The following RTN4 variants were observed in gnomAD, a reference collection of about 807,000 sequenced individuals.
RTN4 encodes reticulon 4.
A neutral mutation model predicts 90.4 loss-of-function variants in RTN4; 32 were observed. That is an observed-to-expected ratio of 0.35 (90% CI 0.27 to 0.48). The LOEUF is 0.48. RTN4 is among the 20% of genes least tolerant of loss of function. The pLI is 0.99. For missense variants in RTN4, 1,706 were observed against 1,430.2 expected, an observed-to-expected ratio of 1.19 and a Z score of -3.11; for synonymous variants, 629 against 552.5, an observed-to-expected ratio of 1.14 and a Z score of -1.94.
upstream of RTN4, chr2:55,112,643 TC>T (rs993715802): frequency 5.9e-5 from 9 of 152,328 alleles, no homozygotes; most frequent in Non-Finnish European, 1.3e-4. Flanking sequence ...ACCCTGAAGC[TC>T]CCAGCATCCA....
At position 55,100,797 on chromosome 2, in the gene RTN4, A is replaced by G. The variant is rs115136077; in HGVS notation, c.-214+11723T>C. On this transcript the variant is annotated intron_variant, in intron 1 of 3. Transcript: ENST00000427710. ...TGGCTAGAAATTCTCAGGATGCACT[A>G]GGGTTCATTTGTGCTTAAACAAAAA... Among the ~76,000 whole-genome samples, 1,022 of 152,238 alleles carry G rather than the reference A, an allele frequency of 6.7e-3. 15 individuals are homozygous for G. The highest frequency in any genetic ancestry group is 0.023 in the African/African-American group (971 of 41,486).
chr2:55,048,546 C>T (rs540669710), intron 1 of RTN4, among the ~76,000 whole-genome samples: 1 of 151,414 alleles, frequency 6.6e-6, no homozygotes. Context: ...AACGCATTAC[C>T]CTAGGCCTAC....
Position 55,050,312 on chromosome 2 carries a change from G to T in RTN4, c.-12C>A. 3 of 1,404,434 alleles carry T rather than the reference G, an allele frequency of 2.1e-6. No individual in the cohort carries two copies. The highest frequency in any genetic ancestry group is 1.7e-5 in the South Asian group (1 of 60,228). 87.0% of individuals were successfully genotyped at this position (1,404,434 alleles called of 1,614,324 possible). Reference sequence around the variant, plus strand: ...TCCAGGTCTTCCATGGCTGGAGGGTGGAGATGATGCTGCAGCTGCTGCCGC... The same window carrying T: ...TCCAGGTCTTCCATGGCTGGAGGGTTGAGATGATGCTGCAGCTGCTGCCGC... On this transcript the variant is annotated 5_prime_UTR_variant, in exon 1 of 9. Transcript: ENST00000337526. This position sits in a 1 kb window ranked among gnomAD's most constrained non-coding sequence, Gnocchi z 4.6.
intron 1 of RTN4, among the ~76,000 whole-genome samples, chr2:55,102,782 T>C (rs1191586943): frequency 1.3e-5 from 2 of 152,160 alleles, no homozygotes; most frequent in Admixed American, 6.5e-5. Context: ...CAAAACTCTA[T>C]TGTTTTTCTA....
chr2:54,985,596 A>C (rs926646579), intron 4 of RTN4, among the ~76,000 whole-genome samples: 1 of 152,210 alleles, frequency 6.6e-6, no homozygotes, highest in Non-Finnish European at 1.5e-5. Context: ...ATATGTACAT[A>C]AAAGGTTAGA....
At chr2:55,080,128 C>G (rs1401782528) in intron 2 of RTN4, among the ~76,000 whole-genome samples, 1 of 152,048 alleles carries the variant, frequency 6.6e-6, no homozygotes, top group Non-Finnish European at 1.5e-5. Flanking sequence ...ATGATCCTCC[C>G]ACCTCAGCTT....
chr2:54,974,809 A>C (rs779273501), intron 5 of RTN4, 45 bp from the exon 6 acceptor site: 9 of 1,532,292 alleles, frequency 5.9e-6, no homozygotes, highest in Non-Finnish European at 8.1e-6. Flanking sequence ...AATTCAAGTA[A>C]AGTTTCTTAA....
At chr2:55,114,943 C>G (rs1034153572), upstream of RTN4, among the ~76,000 whole-genome samples, 8 of 152,058 alleles carry the variant, frequency 5.3e-5, no homozygotes, top group African/African-American at 1.7e-4. Context: ...TTAACTGTTA[C>G]CACCATTGAT....
At chr2:55,024,462 ATGTGCAAATCACCT>A (rs1430145732) in intron 3 of RTN4, among the ~76,000 whole-genome samples, 7 of 152,188 alleles carry the variant, frequency 4.6e-5, no homozygotes, top group South Asian at 2.1e-4. Context: ...TAAAGAGCAC[ATGTGCAAATCACCT>A]TGTGCAAATC....
chr2:55,097,645 A>C lies in RTN4; in HGVS notation c.-214+14875T>G, dbSNP rs541821943. 5.9e-5 allele frequency among the ~76,000 whole-genome samples: 9 copies of C among 152,226 alleles called. 2 individuals are homozygous for C. Among genetic ancestry groups the C allele is most frequent in the African/African-American group, 2.2e-4 (9 of 41,500 alleles). ...AGCTGCAGACGCCACCCAGGCCTCT[A>C]AGGATTCTATCTTGAACACTTTCAT... On this transcript the variant is annotated intron_variant, in intron 1 of 3. Coordinates refer to the RTN4 transcript ENST00000427710.
At chr2:55,081,300 C>A (rs1188503070) in intron 1 of RTN4, among the ~76,000 whole-genome samples, 2 of 151,926 alleles carry the variant, frequency 1.3e-5, no homozygotes, top group Non-Finnish European at 2.9e-5. Flanking sequence ...TCGGCTCGAA[C>A]TCCTGGGCTC....
intron 1 of RTN4, among the ~76,000 whole-genome samples, chr2:55,093,404 T>TTA (rs3070153): frequency 0.46 from 67,075 of 147,106 alleles, 15,814 homozygotes; most frequent in African/African-American, 0.58. Flanking sequence ...TTAATTTATT[T>TTA]TATATATATA....
intron 3 of RTN4, among the ~76,000 whole-genome samples, chr2:55,004,195 C>CT (rs368554732): frequency 3.8e-4 from 58 of 152,210 alleles, no homozygotes; most frequent in African/African-American, 1.4e-3. Flanking sequence ...AACTGCCTGC[C>CT]TTTTTTATTG....
chr2:55,072,841 C>A (rs1343852424), intron 2 of RTN4, among the ~76,000 whole-genome samples: 1 of 152,142 alleles, frequency 6.6e-6, no homozygotes, highest in African/African-American at 2.4e-5. Flanking sequence ...TACAGGATTA[C>A]CATTTGTGCT....
intron 3 of RTN4, among the ~76,000 whole-genome samples, chr2:54,990,793 T>C (rs867177896): frequency 6.9e-6 from 1 of 145,914 alleles, no homozygotes; most frequent in Non-Finnish European, 1.5e-5. Flanking sequence ...TTTCTTTTAC[T>C]TTTTTTTTTT....
At chr2:55,110,705 T>C (rs1668022766) in intron 1 of RTN4, among the ~76,000 whole-genome samples, 1 of 152,114 alleles carries the variant, frequency 6.6e-6, no homozygotes, top group African/African-American at 2.4e-5. Flanking sequence ...AGAAATAAAA[T>C]AGAAAGCCAA....
At chr2:55,048,501 T>A (rs1164029252) in intron 1 of RTN4, among the ~76,000 whole-genome samples, 1 of 123,038 alleles carries the variant, frequency 8.1e-6, no homozygotes, top group East Asian at 2.8e-4. Flanking sequence ...CTTTTTTCTA[T>A]TTTTTTTTTA....
At chr2:55,020,338 G>T (rs1472640801) in intron 3 of RTN4, among the ~76,000 whole-genome samples, 1 of 151,910 alleles carries the variant, frequency 6.6e-6, no homozygotes, top group Non-Finnish European at 1.5e-5. Flanking sequence ...CATGGTACTG[G>T]CATAAAAACA....
chr2:55,091,825 T>C (rs975057776), intron 1 of RTN4, among the ~76,000 whole-genome samples: 8 of 135,834 alleles, frequency 5.9e-5, no homozygotes, highest in African/African-American at 2.0e-4. Context: ...AGGCATTTCT[T>C]ACATGGCAGC....
Sources: allele counts gnomAD v4.1 joint callset (sites outside exome capture counted in the v4.1 genomes callset), GRCh38; gene constraint gnomAD v4.1.1; non-coding constraint Gnocchi (gnomAD v3.1); transcripts MANE v1.5; gene names NCBI Gene and HGNC (gene_info 2026-07-23, HGNC 2026-07-21).